Variants in PIP4K2A observed in about 807,000 individuals in gnomAD.
The protein encoded by PIP4K2A is phosphatidylinositol-5-phosphate 4-kinase type 2 alpha.
PIP4K2A carries 14 observed loss-of-function variants against 42.9 expected under a neutral mutation model. The ratio of observed to expected loss-of-function variants is 0.33; its 90% CI spans 0.22 to 0.51. PIP4K2A has a LOEUF of 0.51. Ranked by LOEUF, PIP4K2A falls within the 20% of genes least tolerant of loss-of-function variation. The probability of loss-of-function intolerance (pLI) is 0.97; values close to 1 mark genes in which losing one functional copy is unlikely to be tolerated. For missense variants in PIP4K2A, 434 were observed against 519.8 expected (o/e 0.83, Z 1.61); for synonymous variants, 192 against 192.2 (o/e 1.00, Z 0.01).
intron 1 of PIP4K2A, among the ~76,000 whole-genome samples, chr10:22,630,174 C>T (rs947548898): frequency 9.8e-6 from 1 of 102,532 alleles, no homozygotes; most frequent in African/African-American, 3.5e-5. Flanking sequence ...TTCATGACTA[C>T]AAAAAAAAAA....
intron 3 of PIP4K2A, among the ~76,000 whole-genome samples, chr10:22,606,145 CA>C (rs5783802): frequency 0.18 from 25,689 of 140,492 alleles, 2,891 homozygotes; most frequent in Non-Finnish European, 0.26. Flanking sequence ...CAATCTCTAC[CA>C]AAAAAAAAAA....
intron 3 of PIP4K2A, among the ~76,000 whole-genome samples, chr10:22,604,736 G>C (rs1276131692): frequency 6.6e-6 from 1 of 152,090 alleles, no homozygotes; most frequent in African/African-American, 2.4e-5. Flanking sequence ...CGGCCGGTGG[G>C]AGACTCTACT....
intron 1 of PIP4K2A, among the ~76,000 whole-genome samples, chr10:22,695,754 T>C (rs1171667254): frequency 6.6e-6 from 1 of 152,178 alleles, no homozygotes; most frequent in African/African-American, 2.4e-5. Flanking sequence ...CTCTATATCA[T>C]CTCTAGTCCA....
intron 5 of PIP4K2A, among the ~76,000 whole-genome samples, chr10:22,571,430 T>A (rs1315514388): frequency 6.6e-6 from 1 of 152,202 alleles, no homozygotes; most frequent in Non-Finnish European, 1.5e-5. Flanking sequence ...CTTCCCAATA[T>A]GTAAAAGACT....
chr10:22,667,931 AG>A (rs1839380792), intron 1 of PIP4K2A, among the ~76,000 whole-genome samples: 1 of 117,256 alleles, frequency 8.5e-6, no homozygotes, highest in Non-Finnish European at 1.9e-5. Context: ...AGGGGGAGGG[AG>A]GGAGACAGAG....
At position 22,588,228 on chromosome 10, in the gene PIP4K2A, G is replaced by T. The variant is rs1837441490; in HGVS notation, c.492+3401C>A. Reference sequence around the variant, plus strand: ...ATGGACAAATTAGCAAAACGGTGCTGCAACTGTGGCTGTATTTATACATGG... The same window carrying T: ...ATGGACAAATTAGCAAAACGGTGCTTCAACTGTGGCTGTATTTATACATGG... On this transcript the variant is annotated intron_variant, in intron 4 of 9. Coordinates refer to ENST00000376573, the MANE Select transcript of PIP4K2A (RefSeq NM_005028.5). 2.0e-5 allele frequency among the ~76,000 whole-genome samples: 3 copies of T among 152,288 alleles called. No homozygotes were observed. In the South Asian group the frequency reaches 6.2e-4, roughly 32 times the overall value.
intron 4 of PIP4K2A, among the ~76,000 whole-genome samples, chr10:22,583,542 A>T (rs1176997821): frequency 6.6e-6 from 1 of 152,170 alleles, no homozygotes; most frequent in African/African-American, 2.4e-5. Flanking sequence ...GACACTGAGG[A>T]CATTAGCATG....
chr10:22,607,856 C>A, intron 3 of PIP4K2A, 71 bp downstream of exon 3: 2 of 878,288 alleles, frequency 2.3e-6, no homozygotes, highest in Admixed American at 2.0e-5. Flanking sequence ...AATACAGATC[C>A]CAATTGACAC....
At chr10:22,556,292 T>A (rs1235484284) in intron 6 of PIP4K2A, among the ~76,000 whole-genome samples, 1 of 152,176 alleles carries the variant, frequency 6.6e-6, no homozygotes, top group Non-Finnish European at 1.5e-5. Context: ...TTCCCTACAC[T>A]GCTTTGCAAA....
At chr10:22,680,816 G>A (rs1327629676) in intron 1 of PIP4K2A, among the ~76,000 whole-genome samples, 1 of 152,158 alleles carries the variant, frequency 6.6e-6, no homozygotes, top group Admixed American at 6.5e-5. Context: ...AAATATGCCG[G>A]ATTTTTATAT....
chr10:22,582,874 T>C (rs541415813), intron 4 of PIP4K2A, among the ~76,000 whole-genome samples: 9 of 140,030 alleles, frequency 6.4e-5, no homozygotes, highest in Admixed American at 6.0e-4. Flanking sequence ...ATAATTTGAT[T>C]TCAAATCGTC....
At chr10:22,674,295 C>T (rs1839511947) in intron 1 of PIP4K2A, among the ~76,000 whole-genome samples, 1 of 151,356 alleles carries the variant, frequency 6.6e-6, no homozygotes, top group Admixed American at 6.6e-5. Context: ...TGGCTTGTAT[C>T]ATGTTCTTTT....
intron 6 of PIP4K2A, among the ~76,000 whole-genome samples, chr10:22,562,472 C>A (rs1423628587): frequency 2.6e-5 from 4 of 152,134 alleles, no homozygotes; most frequent in Admixed American, 2.0e-4. Context: ...TGGCATGAAC[C>A]CAGGAGGCGG....
At chr10:22,618,519 A>G (rs143963178) in intron 1 of PIP4K2A, among the ~76,000 whole-genome samples, 8 of 152,316 alleles carry the variant, frequency 5.3e-5, no homozygotes, top group African/African-American at 1.4e-4. Context: ...TGTGATCAGA[A>G]CTTTCACTTG....
At chr10:22,707,811 T>G (rs1279103433) in intron 1 of PIP4K2A, among the ~76,000 whole-genome samples, 2 of 152,174 alleles carry the variant, frequency 1.3e-5, no homozygotes, top group East Asian at 3.9e-4. Context: ...CAAGGGTTCT[T>G]GATGGGGTTC....
intron 1 of PIP4K2A, among the ~76,000 whole-genome samples, chr10:22,713,164 G>C: frequency 6.6e-6 from 1 of 152,140 alleles, no homozygotes; most frequent in Non-Finnish European, 1.5e-5. Context: ...TGATCCTATC[G>C]AAGTGGATTA....
chr10:22,689,386 C>T (rs1009002591), intron 1 of PIP4K2A, among the ~76,000 whole-genome samples: 22 of 152,272 alleles, frequency 1.4e-4, no homozygotes, highest in Admixed American at 4.6e-4. Flanking sequence ...TTTCAGGTTC[C>T]GCATCCGATG....
intron 3 of PIP4K2A, among the ~76,000 whole-genome samples, chr10:22,596,023 T>G (rs142928833): frequency 6.6e-6 from 1 of 151,454 alleles, no homozygotes; most frequent in South Asian, 2.1e-4. Context: ...CTGACCAACA[T>G]GGAGAAGCCC....
chr10:22,695,983 A>T (rs1839963209), intron 1 of PIP4K2A, among the ~76,000 whole-genome samples: 1 of 152,092 alleles, frequency 6.6e-6, no homozygotes, highest in African/African-American at 2.4e-5. Context: ...TTTTTTCCCT[A>T]ATTGTAAGAA....
Sources: allele counts gnomAD v4.1 joint callset (sites outside exome capture counted in the v4.1 genomes callset), GRCh38; gene constraint gnomAD v4.1.1; transcripts MANE v1.5; gene names NCBI Gene and HGNC (gene_info 2026-07-23, HGNC 2026-07-21).